The following DYNLT1 variants were observed in gnomAD, a reference collection of about 807,000 sequenced individuals.
The protein encoded by DYNLT1 is T-complex testis-specific protein 1 homolog.
A neutral mutation model predicts 19.6 loss-of-function variants in DYNLT1; 18 were observed. The observed-to-expected ratio is 0.92, with a 90% CI of 0.64 to 1.36. The LOEUF is 1.36. Ranked by LOEUF, DYNLT1 falls within the 40% of genes most tolerant of loss-of-function variation. DYNLT1 has a pLI of 0.00. For missense variants in DYNLT1, 137 were observed against 139.3 expected (o/e 0.98, Z 0.08); for synonymous variants, 56 against 44.0 (o/e 1.27, Z -1.07).
intron 2 of DYNLT1, 29 bp from the exon 3 acceptor site, chr6:158,637,923 G>A (rs765518781): frequency 5.1e-5 from 82 of 1,596,866 alleles, no homozygotes; most frequent in Admixed American, 2.2e-4. Flanking sequence ...AGCGCGTCCC[G>A]GTTAACCAAA....
At position 158,637,137 on chromosome 6, in the gene DYNLT1, A is replaced by C. The variant is rs1562323081; in HGVS notation, c.262T>G (p.Ser88Ala). The C allele has an allele frequency of 6.2e-7, 1 of 1,614,258 alleles. No individual in the cohort carries two copies. Among genetic ancestry groups the C allele is most frequent in the Non-Finnish European group, 8.5e-7 (1 of 1,180,042 alleles). The change falls in exon 4 of 5, where the codon TCT (serine) becomes GCT (alanine). Residue 88 changes from serine to alanine, a missense_variant. Ser to Ala is a moderately conservative substitution (Grantham distance 99, BLOSUM62 1). Coordinates refer to ENST00000367089, the MANE Select transcript of DYNLT1 (RefSeq NM_006519.4). The part of the protein sequence containing the change: ...HTASSCFWDS[S>A]TDGSCTVRWE... ...TGAATGAAAATCATACCGTCAGTAGAGCTGTCCCAGAAGCAGGAACTTGCT... is the reference window on the plus strand; with the variant it reads ...TGAATGAAAATCATACCGTCAGTAGCGCTGTCCCAGAAGCAGGAACTTGCT...
Position 158,636,603 on chromosome 6 carries a change from T to G in DYNLT1, c.*224A>C. On this transcript the variant is annotated 3_prime_UTR_variant, in exon 5 of 5. Coordinates refer to ENST00000367089, the MANE Select transcript of DYNLT1 (RefSeq NM_006519.4). ...ATTTTAGCACCTTTGAAATGAAATA[T>G]TCAGAGTTAAGACAAGTGGCAACGC... 2.1e-6 allele frequency: 1 copy of G among 487,358 alleles called. No homozygotes were observed. The allele number at this position is 487,358 out of a possible 1,614,324, so 30.2% of individuals were successfully genotyped here. A position where few individuals can be genotyped will look rare whatever the true frequency, so the allele number is the denominator to read the frequency against.
intron 2 of DYNLT1, 65 bp downstream of exon 2, chr6:158,641,254 A>T: frequency 6.9e-7 from 1 of 1,449,878 alleles, no homozygotes; most frequent in Non-Finnish European, 9.4e-7. Flanking sequence ...GATAGTATTT[A>T]AAACACATTA....
intron 2 of DYNLT1, among the ~76,000 whole-genome samples, chr6:158,639,259 TTAC>T (rs1455770304): frequency 6.6e-6 from 1 of 152,206 alleles, no homozygotes; most frequent in Non-Finnish European, 1.5e-5. Flanking sequence ...TAGGGCTGGC[TTAC>T]TTCTTGTCCT....
chr6:158,643,558 G>A (rs1240494325), intron 1 of DYNLT1, among the ~76,000 whole-genome samples: 1 of 151,894 alleles, frequency 6.6e-6, no homozygotes, highest in East Asian at 1.9e-4. Flanking sequence ...CTTGGCTCAC[G>A]GCAACCTCTG....
chr6:158,638,796 G>A lies in DYNLT1; in HGVS notation c.70-902C>T, dbSNP rs372588307. 6.6e-5 allele frequency among the ~76,000 whole-genome samples: 10 copies of A among 152,270 alleles called. No individual in the cohort carries two copies. The East Asian group carries it at 1.9e-3, about 29-fold the overall frequency. ...ATACGTTTACTTCTTTATCTATGCTGTATTCTTTGGGGGTTATCTGACAAT... is the reference window on the plus strand; with the variant it reads ...ATACGTTTACTTCTTTATCTATGCTATATTCTTTGGGGGTTATCTGACAAT... On this transcript the variant is annotated intron_variant, in intron 2 of 4. Coordinates refer to ENST00000367089, the MANE Select transcript of DYNLT1 (RefSeq NM_006519.4).
At chr6:158,637,072 C>G in intron 4 of DYNLT1, 56 bp downstream of exon 4, 1 of 1,605,734 alleles carries the variant, frequency 6.2e-7, no homozygotes, top group South Asian at 1.1e-5. Flanking sequence ...AGATAGGAAA[C>G]TTCCAGTCAT....
chr6:158,644,206 G>A (rs905366639), intron 1 of DYNLT1, among the ~76,000 whole-genome samples: 30 of 152,094 alleles, frequency 2.0e-4, no homozygotes, highest in African/African-American at 7.0e-4. Context: ...GGGGCGGAGG[G>A]GCTGGCGGCG....
intron 3 of DYNLT1, 186 bp downstream of exon 3, chr6:158,637,585 G>A (rs570134252): frequency 2.2e-5 from 18 of 833,780 alleles, no homozygotes; most frequent in South Asian, 1.1e-4. Context: ...CTTCACATAC[G>A]ATCTGCAATT....
intron 2 of DYNLT1, among the ~76,000 whole-genome samples, chr6:158,639,673 ATG>A (rs1167686868): frequency 2.0e-5 from 3 of 152,176 alleles, no homozygotes; most frequent in African/African-American, 4.8e-5. Flanking sequence ...TGGATTGGAA[ATG>A]TGTTTGTTTT....
At chr6:158,638,871 A>G (rs1254387212) in intron 2 of DYNLT1, among the ~76,000 whole-genome samples, 1 of 152,122 alleles carries the variant, frequency 6.6e-6, no homozygotes, top group African/African-American at 2.4e-5. Flanking sequence ...TGATATTGCC[A>G]TTGTATGATT....
chr6:158,642,880 G>A (rs1056549187), intron 1 of DYNLT1: 2 of 152,230 alleles, frequency 1.3e-5, no homozygotes, highest in African/African-American at 4.8e-5. Flanking sequence ...AAGATGAATG[G>A]TGAGTTGAGA....
Position 158,642,342 on chromosome 6 carries a change from T to G in DYNLT1, c.28-982A>C, listed in dbSNP as rs538635854. The G allele has an allele frequency of 2.0e-3, 299 of 152,382 alleles. 1 individual carries two copies. The highest frequency in any genetic ancestry group is 6.8e-3 in the African/African-American group (282 of 41,590). The allele number at this position is 152,382 out of a possible 1,614,324, so 9.4% of individuals were successfully genotyped here. On this transcript the variant is annotated intron_variant, in intron 1 of 4. Coordinates refer to ENST00000367089, the MANE Select transcript of DYNLT1 (RefSeq NM_006519.4). ...GTAAAAGGTCATCCTGAAAATAACA[T>G]TAGTCAGGCACTTGCCTGCCAATGT...
chr6:158,638,231 TAACA>T (rs1457363651), intron 2 of DYNLT1, among the ~76,000 whole-genome samples: 3 of 152,120 alleles, frequency 2.0e-5, no homozygotes, highest in African/African-American at 7.2e-5. Context: ...TACTACTACC[TAACA>T]TACACTAATA....
intron 2 of DYNLT1, among the ~76,000 whole-genome samples, chr6:158,639,444 A>G (rs1184374300): frequency 6.6e-6 from 1 of 152,148 alleles, no homozygotes; most frequent in East Asian, 1.9e-4. Context: ...TGTTGAAGGT[A>G]AACCTCTCCC....
intron 2 of DYNLT1, among the ~76,000 whole-genome samples, chr6:158,640,962 C>G (rs144220227): frequency 2.0e-5 from 3 of 152,156 alleles, no homozygotes; most frequent in Non-Finnish European, 4.4e-5. Context: ...ATCACTAGGT[C>G]CAGAATAACT....
chr6:158,642,195 A>C (rs1787149845), intron 1 of DYNLT1: 1 of 152,234 alleles, frequency 6.6e-6, no homozygotes, highest in African/African-American at 2.4e-5. Flanking sequence ...CTCCAGGACT[A>C]ACCACCAGCT....
rs760563741 is a variant in DYNLT1 at position 158,644,731 on chromosome 6, C to T, written c.-23G>A. ...CATCTTTCCTCCGGCGCGTCCCCTCCGGCTCCCTGAGTGGCGCGGACTGCG... is the reference window on the plus strand; with the variant it reads ...CATCTTTCCTCCGGCGCGTCCCCTCTGGCTCCCTGAGTGGCGCGGACTGCG... On this transcript the variant is annotated 5_prime_UTR_variant, in exon 1 of 5. Transcript: ENST00000367089. The T allele has an allele frequency of 4.6e-5, 74 of 1,609,212 alleles. No individual in the cohort carries two copies. The Middle Eastern group carries it at 4.9e-4, about 11-fold the overall frequency.
chr6:158,637,796 C>T lies in DYNLT1; in HGVS notation c.168G>A (p.Lys56=). 6.2e-7 allele frequency: 1 copy of T among 1,614,016 alleles called. No individual in the cohort carries two copies. Among genetic ancestry groups the T allele is most frequent in the Non-Finnish European group, 8.5e-7 (1 of 1,180,038 alleles). The change falls in exon 3 of 5, where the codon AAG becomes AAA. Residue 56 remains lysine, a synonymous_variant. Coordinates refer to ENST00000367089, the MANE Select transcript of DYNLT1 (RefSeq NM_006519.4). ...CGATGTATTTAAATGGTTTTCCCAG[C>T]TTGGTGAGTTGGCTTAAAGTTTGTT... The part of the protein sequence containing the change: ...VVEQTLSQLT[K]LGKPFKYIVT...
Sources: allele counts gnomAD v4.1 joint callset (sites outside exome capture counted in the v4.1 genomes callset), GRCh38; gene constraint gnomAD v4.1.1; transcripts MANE v1.5; gene names NCBI Gene and HGNC (gene_info 2026-07-23, HGNC 2026-07-21).